The following PRKAR1B variants were observed in gnomAD, a reference collection of about 807,000 sequenced individuals.
The protein encoded by PRKAR1B is protein kinase cAMP-dependent type I regulatory subunit beta.
In PRKAR1B, 22 loss-of-function variants were observed where a neutral mutation model predicts 46.5. The ratio of observed to expected loss-of-function variants is 0.47; its 90% CI spans 0.34 to 0.68. The LOEUF is 0.68. Among genes scored for constraint, PRKAR1B ranks in the 30% least tolerant of loss-of-function variants. The pLI, the probability that PRKAR1B is intolerant of heterozygous loss-of-function variation, is 0.01. For missense variants in PRKAR1B, 445 were observed against 535.6 expected (o/e 0.83, Z 1.67); for synonymous variants, 259 against 217.7 (o/e 1.19, Z -1.67).
chr7:655,478 A>G (rs1433633028), intron 4 of PRKAR1B, among the ~76,000 whole-genome samples: 1 of 152,116 alleles, frequency 6.6e-6, no homozygotes, highest in Non-Finnish European at 1.5e-5. Flanking sequence ...TTCCCTTCTC[A>G]GCATGGCTTT....
intron 6 of PRKAR1B, among the ~76,000 whole-genome samples, chr7:596,711 T>C (rs1329606066): frequency 6.6e-6 from 1 of 152,236 alleles, no homozygotes; most frequent in African/African-American, 2.4e-5. Context: ...AGCTGCACCG[T>C]GATGAGCTGG....
intron 4 of PRKAR1B, among the ~76,000 whole-genome samples, chr7:657,285 ATGG>A (rs1487269893): frequency 1.3e-4 from 20 of 151,234 alleles, no homozygotes; most frequent in African/African-American, 4.6e-4. Flanking sequence ...GGATGGATGG[ATGG>A]ATGGATGGAT....
chr7:613,813 GT>G (rs1261376838), intron 4 of PRKAR1B, among the ~76,000 whole-genome samples: 1 of 152,256 alleles, frequency 6.6e-6, no homozygotes, highest in Non-Finnish European at 1.5e-5. Flanking sequence ...ACAAGCGCAG[GT>G]TGGGACTTGC....
chr7:568,675 G>C (rs191856269), intron 9 of PRKAR1B, among the ~76,000 whole-genome samples: 1 of 152,080 alleles, frequency 6.6e-6, no homozygotes, highest in Non-Finnish European at 1.5e-5. Context: ...GGACGACCGT[G>C]GGGTGCTGCA....
intron 4 of PRKAR1B, among the ~76,000 whole-genome samples, chr7:664,787 G>A (rs1321173271): frequency 6.6e-6 from 1 of 152,016 alleles, no homozygotes; most frequent in Non-Finnish European, 1.5e-5. Context: ...GGTGGTGCAC[G>A]CCTGTGGCCC....
At chr7:563,566 G>C (rs1778939881) in intron 9 of PRKAR1B, among the ~76,000 whole-genome samples, 1 of 152,124 alleles carries the variant, frequency 6.6e-6, no homozygotes, top group Non-Finnish European at 1.5e-5. Context: ...GCACGTGTGA[G>C]TGCGTGCACA....
chr7:665,433 A>C (rs1785854237), intron 4 of PRKAR1B, among the ~76,000 whole-genome samples: 1 of 152,126 alleles, frequency 6.6e-6, no homozygotes, highest in South Asian at 2.1e-4. Context: ...CCCGAGGCCC[A>C]TGGCCCAGGG....
chr7:550,056 C>T lies in PRKAR1B; in HGVS notation c.*374G>A. On this transcript the variant is annotated 3_prime_UTR_variant, in exon 11 of 11. Coordinates refer to ENST00000537384, the MANE Select transcript of PRKAR1B (RefSeq NM_001164760.2). Reference sequence around the variant, plus strand: ...GGGGGACCTGACCTCACAGGGTCACCAGGCCCCAGGGGCAACGTCCTGGCC... The same window carrying T: ...GGGGGACCTGACCTCACAGGGTCACTAGGCCCCAGGGGCAACGTCCTGGCC... The T allele has an allele frequency of 4.5e-6, 1 of 223,648 alleles. No homozygotes were observed. The highest frequency in any genetic ancestry group is 8.9e-6 in the Non-Finnish European group (1 of 112,520). 13.9% of individuals were successfully genotyped at this position (223,648 alleles called of 1,614,324 possible). A position where few individuals can be genotyped will look rare whatever the true frequency, so the allele number is the denominator to read the frequency against.
At chr7:680,139 C>T (rs1430801121) in intron 3 of PRKAR1B, among the ~76,000 whole-genome samples, 7 of 134,364 alleles carry the variant, frequency 5.2e-5, no homozygotes, top group African/African-American at 2.0e-4. Context: ...GCCTGGGGGA[C>T]GGAGCAAGAC....
At chr7:643,978 C>T (rs925562104) in intron 4 of PRKAR1B, among the ~76,000 whole-genome samples, 1 of 152,292 alleles carries the variant, frequency 6.6e-6, no homozygotes, top group African/African-American at 2.4e-5. Context: ...AAGCCATCCA[C>T]ACTGTGCCAT....
chr7:610,973 A>G (rs147588049), intron 4 of PRKAR1B, among the ~76,000 whole-genome samples: 1 of 152,338 alleles, frequency 6.6e-6, no homozygotes, highest in African/African-American at 2.4e-5. Context: ...TGGTAAGAGA[A>G]AGAAAAACAC....
chr7:701,554 C>G (rs1007469347), intron 2 of PRKAR1B, among the ~76,000 whole-genome samples: 1 of 151,986 alleles, frequency 6.6e-6, no homozygotes, highest in Non-Finnish European at 1.5e-5. Context: ...AAGAGAAACT[C>G]AAAGAAAATC....
chr7:700,811 T>C (rs1004363574), intron 2 of PRKAR1B, among the ~76,000 whole-genome samples: 6 of 152,190 alleles, frequency 3.9e-5, no homozygotes, highest in African/African-American at 7.2e-5. Context: ...TTAAATTCAC[T>C]AGATGGGATC....
rs559980130 is a variant in PRKAR1B, at chr7:711,877, G to C, written c.-22-350C>G. On this transcript the variant is annotated intron_variant, in intron 1 of 10. Coordinates refer to ENST00000537384, the MANE Select transcript of PRKAR1B (RefSeq NM_001164760.2). ...GGCGCCCTGAGGGTCCAGCCGGGGG[G>C]TTCCAGGGCCTCGTCCTCCTCCATC... Among the ~76,000 whole-genome samples the C allele has an allele frequency of 1.9e-4, 29 of 151,484 alleles. No homozygotes were observed. The East Asian group carries it at 5.8e-3, about 30-fold the overall frequency.
Position 644,806 on chromosome 7 carries a change from G to A in PRKAR1B, c.440+32423C>T, listed in dbSNP as rs546667160. Among the ~76,000 whole-genome samples, 11 of 152,268 alleles carry A rather than the reference G, an allele frequency of 7.2e-5. No individual in the cohort carries two copies. The highest frequency in any genetic ancestry group is 2.6e-4 in the African/African-American group (11 of 41,562). ...ACCTCCCATAGCCTTCCAGGGAAGC[G>A]GGCCCCAAAGAGGCTGGACCGGGCA... On this transcript the variant is annotated intron_variant, in intron 4 of 10. Transcript: ENST00000537384. The surrounding 1 kb of genome is among the most constrained non-coding windows in gnomAD (Gnocchi z 4.9).
At chr7:724,472 A>C (rs1781179944) in intron 1 of PRKAR1B, among the ~76,000 whole-genome samples, 1 of 152,110 alleles carries the variant, frequency 6.6e-6, no homozygotes, top group Non-Finnish European at 1.5e-5. Flanking sequence ...GTAAGATGTG[A>C]CTTGCTCCTT....
In PRKAR1B at chr7:707,334, G is replaced by A. The variant is rs140899319; in HGVS notation, c.177+3995C>T. ...CACTCTTTTCAACATTTTGGCGGAC[G>A]CCCCTCAGATTTTTTTCTTTGCATA... On this transcript the variant is annotated intron_variant, in intron 2 of 10. Transcript: ENST00000537384. 1.7e-4 allele frequency among the ~76,000 whole-genome samples: 26 copies of A among 152,256 alleles called. No homozygotes were observed. The East Asian group carries it at 3.3e-3, about 19-fold the overall frequency.
At chr7:638,026 G>T (rs1333995204) in intron 4 of PRKAR1B, among the ~76,000 whole-genome samples, 1 of 152,136 alleles carries the variant, frequency 6.6e-6, no homozygotes, top group African/African-American at 2.4e-5. Context: ...TTCTCATCCT[G>T]CCCCGCCGGC....
chr7:722,254 ACCACAC>A (rs1781101239), intron 1 of PRKAR1B, among the ~76,000 whole-genome samples: 1 of 152,028 alleles, frequency 6.6e-6, no homozygotes, highest in South Asian at 2.1e-4. Flanking sequence ...GGTACCCACC[ACCACAC>A]CCAGCTAATT....
Sources: gnomAD v4.1 joint callset for allele counts (sites outside exome capture counted in the v4.1 genomes callset) on GRCh38, gnomAD v4.1.1 for gene constraint, Gnocchi (gnomAD v3.1) non-coding constraint, MANE v1.5 for transcripts, NCBI Gene and HGNC (gene_info 2026-07-23, HGNC 2026-07-21) for gene names.